The following CYLD variants were observed in gnomAD, a reference collection of about 807,000 sequenced individuals.
CYLD encodes the protein ubiquitin carboxyl-terminal hydrolase CYLD.
Under a neutral mutation model 104.5 loss-of-function variants are expected in CYLD, and 26 were observed. The ratio of observed to expected loss-of-function variants is 0.25; its 90% CI spans 0.18 to 0.35. The LOEUF is 0.35. Among genes scored for constraint, CYLD ranks in the 10% least tolerant of loss-of-function variants. The probability of loss-of-function intolerance (pLI) is 1.00; values close to 1 mark genes in which losing one functional copy is unlikely to be tolerated. For missense variants in CYLD, 703 were observed against 1,136.1 expected (o/e 0.62, Z 5.48); for synonymous variants, 385 against 399.9 (o/e 0.96, Z 0.45).
At chr16:50,772,502 A>G (rs1020544959) in intron 5 of CYLD, among the ~76,000 whole-genome samples, 4 of 152,220 alleles carry the variant, frequency 2.6e-5, no homozygotes, top group African/African-American at 9.6e-5. Flanking sequence ...AGATTATTTC[A>G]TATTAGTACA....
At chr16:50,776,101 T>A (rs1969651507) in intron 6 of CYLD, 78 bp from the exon 7 acceptor site, 4 of 1,073,506 alleles carry the variant, frequency 3.7e-6, no homozygotes, top group Admixed American at 1.9e-5. Context: ...AGGGTTTTTT[T>A]ATTTTGTTAC....
intron 2 of CYLD, among the ~76,000 whole-genome samples, chr16:50,745,418 A>T (rs921406869): frequency 2.4e-5 from 3 of 123,268 alleles, no homozygotes; most frequent in South Asian, 2.6e-4. Context: ...CCCAGGCTGG[A>T]GTACAGTGGT....
rs1971817246 is a variant in CYLD at position 50,794,708 on chromosome 16, C to T, written c.2686+280C>T. ...TGATCTTGGCTCATTGCAACCTCCA[C>T]CTCTCAGGTTCAAGCAATCCTCCCA... is the stretch of plus-strand genomic sequence containing the variant. On this transcript the variant is annotated intron_variant, in intron 18 of 18. Transcript: ENST00000427738. The surrounding 1 kb of genome is among the most constrained non-coding windows in gnomAD (Gnocchi z 4.1). 3 of 435,598 alleles carry T rather than the reference C, an allele frequency of 6.9e-6. No individual in the cohort carries two copies. The highest frequency in any genetic ancestry group is 6.3e-5 in the South Asian group (3 of 47,720). The allele number at this position is 435,598 out of a possible 1,614,324, so 27.0% of individuals were successfully genotyped here.
chr16:50,773,629 A>G (rs1465537051), intron 5 of CYLD, among the ~76,000 whole-genome samples: 1 of 152,198 alleles, frequency 6.6e-6, no homozygotes, highest in African/African-American at 2.4e-5. Flanking sequence ...TTTTAATCAC[A>G]CAAAATTGCC....
chr16:50,756,803 C>T (rs1967296065), intron 5 of CYLD, among the ~76,000 whole-genome samples: 1 of 152,200 alleles, frequency 6.6e-6, no homozygotes, highest in African/African-American at 2.4e-5. Flanking sequence ...TAATGATCCC[C>T]ATTTCGCTGA....
chr16:50,778,175 T>C (rs1000008258), intron 8 of CYLD: 10 of 404,454 alleles, frequency 2.5e-5, no homozygotes, highest in Non-Finnish European at 4.0e-5. Context: ...TGCTGATCTA[T>C]TTAGGGTGGA....
At chr16:50,774,500 A>G (rs1402794200) in intron 5 of CYLD, among the ~76,000 whole-genome samples, 1 of 152,232 alleles carries the variant, frequency 6.6e-6, no homozygotes, top group Non-Finnish European at 1.5e-5. Flanking sequence ...TAATAACAAT[A>G]TGGCAACATC....
intron 5 of CYLD, among the ~76,000 whole-genome samples, chr16:50,762,140 A>T (rs1426049130): frequency 6.6e-6 from 1 of 151,990 alleles, no homozygotes; most frequent in Non-Finnish European, 1.5e-5. Flanking sequence ...TATACCCACC[A>T]AGCAACCTCC....
chr16:50,742,453 C>T, intron 1 of CYLD: 1 of 244,410 alleles, frequency 4.1e-6, no homozygotes, highest in African/African-American at 2.2e-5. Flanking sequence ...GGGAGGGCTG[C>T]GAGTCCGGGG....
intron 5 of CYLD, among the ~76,000 whole-genome samples, chr16:50,767,015 A>G (rs539193751): frequency 1.2e-3 from 184 of 152,354 alleles, no homozygotes; most frequent in Non-Finnish European, 2.0e-3. Context: ...AAGAACTTCT[A>G]TTGTGAGTAA....
intron 2 of CYLD, 140 bp from the exon 3 acceptor site, chr16:50,749,436 T>C (rs1177103763): frequency 1.8e-6 from 1 of 548,810 alleles, no homozygotes. Context: ...TTTTTGAAAA[T>C]ATTTCATTTG....
chr16:50,798,751 T>A lies in CYLD; in HGVS notation c.*2243T>A. The A allele has an allele frequency of 4.3e-6, 1 of 233,388 alleles. No homozygotes were observed. Among genetic ancestry groups the A allele is most frequent in the African/African-American group, 2.2e-5 (1 of 45,442 alleles). 14.5% of individuals were successfully genotyped at this position (233,388 alleles called of 1,614,324 possible). A position where few individuals can be genotyped will look rare whatever the true frequency, so the allele number is the denominator to read the frequency against. ...AAGACCTGTTTGGATGGACACCTGGTTTCAAAAGTCAGGTGTGGAGACTGT... is the reference window on the plus strand; with the variant it reads ...AAGACCTGTTTGGATGGACACCTGGATTCAAAAGTCAGGTGTGGAGACTGT... On this transcript the variant is annotated 3_prime_UTR_variant, in exon 19 of 19. Transcript: ENST00000427738.
At chr16:50,771,655 T>G (rs1443271027) in intron 5 of CYLD, among the ~76,000 whole-genome samples, 2 of 152,234 alleles carry the variant, frequency 1.3e-5, no homozygotes, top group Non-Finnish European at 1.5e-5. Flanking sequence ...CTTTGCATCC[T>G]TGTTCTCTGT....
intron 5 of CYLD, among the ~76,000 whole-genome samples, chr16:50,757,407 A>G (rs982466777): frequency 3.3e-5 from 5 of 152,208 alleles, no homozygotes; most frequent in African/African-American, 1.2e-4. Flanking sequence ...TGTAAAATCA[A>G]TTTTTAATTT....
chr16:50,795,655 G>C, intron 18 of CYLD: 1 of 701,982 alleles, frequency 1.4e-6, no homozygotes, highest in East Asian at 2.7e-5. Flanking sequence ...TAGATCAAGA[G>C]TTCTCCACCT....
intron 2 of CYLD, 124 bp from the exon 3 acceptor site, chr16:50,749,452 A>G (rs1966452139): frequency 3.5e-6 from 2 of 571,362 alleles, no homozygotes; most frequent in African/African-American, 1.9e-5. Flanking sequence ...ATTTGTGTGT[A>G]TGTGTTTACT....
At position 50,768,321 on chromosome 16, in the gene CYLD, A is replaced by C. The variant is rs190641707; in HGVS notation, c.914-6845A>C. Among the ~76,000 whole-genome samples, 4 of 152,286 alleles carry C rather than the reference A, an allele frequency of 2.6e-5. No individual in the cohort carries two copies. The South Asian group carries it at 6.2e-4, about 24-fold the overall frequency. On this transcript the variant is annotated intron_variant, in intron 5 of 18. Transcript: ENST00000427738. ...TTAAATGAGTCTTCATCTGCCTTTC[A>C]TGTCATCATTAGGACTCTTTTCTTG...
chr16:50,782,395 G>C lies in CYLD; in HGVS notation c.1755G>C (p.Glu585Asp). ...TPPKMEKEGL[E>D]IMIGKKKGIQ... ...CAAAAATGGAAAAAGAAGGCTTGGA[G>C]ATAATGATTGGGAAGAAGAAAGGCA... The change falls in exon 11 of 19, where the codon GAG becomes GAC. Residue 585 changes from glutamate (E) to aspartate (D), a missense_variant. By Grantham distance (45) the Glu-to-Asp change is conservative. Around this residue, in one of 5 missense-constraint regions of CYLD, gnomAD observed 125 missense variants for 325.4 expected, o/e 0.38. Coordinates refer to ENST00000427738, the MANE Select transcript of CYLD (RefSeq NM_001378743.1). The C allele has an allele frequency of 6.2e-7, 1 of 1,613,858 alleles. No individual in the cohort carries two copies. The highest frequency in any genetic ancestry group is 1.1e-5 in the South Asian group (1 of 91,070).
At chr16:50,786,781 AG>A in intron 12 of CYLD, 73 bp from the exon 13 acceptor site, 1 of 1,139,004 alleles carries the variant, frequency 8.8e-7, no homozygotes, top group Non-Finnish European at 1.3e-6. Context: ...AAAGAAAAAA[AG>A]AAATATGTGA....
Sources: gnomAD v4.1 joint callset for allele counts (sites outside exome capture counted in the v4.1 genomes callset) on GRCh38, gnomAD v4.1.1 for gene constraint, gnomAD v4.1.1 regional missense constraint, Gnocchi (gnomAD v3.1) non-coding constraint, MANE v1.5 for transcripts, NCBI Gene and HGNC (gene_info 2026-07-23, HGNC 2026-07-21) for gene names.